Variants in GEN1 observed in about 807,000 individuals in gnomAD.
GEN1 encodes the protein flap endonuclease GEN homolog 1.
In GEN1, 64 loss-of-function variants were observed where a neutral mutation model predicts 67.6. That is an observed-to-expected ratio of 0.95 (90% confidence interval 0.77 to 1.17). The LOEUF (loss-of-function observed/expected upper bound fraction) is 1.17. Among genes scored for constraint, GEN1 ranks in the 50% most tolerant of loss-of-function variants. The probability of loss-of-function intolerance (pLI) is 0.00; values close to 1 mark genes in which losing one functional copy is unlikely to be tolerated. For synonymous variants in GEN1, 371 were observed against 359.4 expected, an observed-to-expected ratio of 1.03 and a Z score of -0.37; for missense variants, 1,058 against 1,048.3, an observed-to-expected ratio of 1.01 and a Z score of -0.13.
upstream of GEN1, among the ~76,000 whole-genome samples, chr2:17,753,462 G>A (rs1034473078): frequency 2.0e-5 from 3 of 151,320 alleles, no homozygotes; most frequent in African/African-American, 7.3e-5. Flanking sequence ...CCCGCCCGAG[G>A]AACGGACATC....
At position 17,782,442 on chromosome 2, in the gene GEN1, A is replaced by T. The variant is rs1176804045; in HGVS notation, c.*503A>T. Reference sequence around the variant, plus strand: ...TTTGGAAGGCCATGCAAGGTGTTCCATTATAACTCTTTTTCCTAAGAGTTA... The same window carrying T: ...TTTGGAAGGCCATGCAAGGTGTTCCTTTATAACTCTTTTTCCTAAGAGTTA... On this transcript the variant is annotated 3_prime_UTR_variant, in exon 14 of 14. Coordinates refer to ENST00000381254, the MANE Select transcript of GEN1 (RefSeq NM_001130009.3). 6.6e-6 allele frequency: 1 copy of T among 152,208 alleles called. No individual in the cohort carries two copies. The highest frequency in any genetic ancestry group is 2.4e-5 in the African/African-American group (1 of 41,426). The allele number at this position is 152,208 out of a possible 1,614,324, so 9.4% of individuals were successfully genotyped here.
In GEN1 at chr2:17,764,894, C is replaced by T. The variant is rs767237406; in HGVS notation, c.349-3C>T. ...ACATCTTGCACCTGCTTTTTGTTTT[C>T]AGTGCCTCCATATGCTCGAATGCTT... On this transcript the variant is annotated splice_polypyrimidine_tract_variant and splice_region_variant and intron_variant, in intron 3 of 13. Coordinates refer to ENST00000381254, the MANE Select transcript of GEN1 (RefSeq NM_001130009.3). 2.5e-6 allele frequency: 4 copies of T among 1,604,636 alleles called. No homozygotes were observed. The highest frequency in any genetic ancestry group is 1.8e-5 in the Admixed American group (1 of 56,886).
chr2:17,780,805 A>G lies in GEN1; in HGVS notation c.1593A>G (p.Leu531=). 1.9e-6 allele frequency: 3 copies of G among 1,614,002 alleles called. No homozygotes were observed. Among genetic ancestry groups the G allele is most frequent in the South Asian group, 1.1e-5 (1 of 91,052 alleles). Residue 531 remains leucine (L), a synonymous_variant, in exon 14 of 14, where the codon TTA becomes TTG. Coordinates refer to ENST00000381254, the MANE Select transcript of GEN1 (RefSeq NM_001130009.3). ...SISASLNSLL[L]PKNTPCLNAQ... ...CTGCCTCATTGAATAGCTTGCTTTT[A>G]CCTAAAAATACTCCATGTTTGAATG...
intron 5 of GEN1, 78 bp from the exon 6 acceptor site, chr2:17,768,660 T>C: frequency 1.9e-6 from 2 of 1,040,174 alleles, no homozygotes; most frequent in East Asian, 2.4e-5. Context: ...AGCTGCTGAC[T>C]CTTCCGTTCA....
chr2:17,758,143 A>G (rs1185271841), intron 1 of GEN1, among the ~76,000 whole-genome samples: 2 of 152,220 alleles, frequency 1.3e-5, no homozygotes, highest in South Asian at 2.1e-4. Flanking sequence ...AGTGTCTACT[A>G]TTATAAACAA....
intron 2 of GEN1, 77 bp downstream of exon 2, chr2:17,760,181 T>A: frequency 7.4e-7 from 1 of 1,356,098 alleles, no homozygotes; most frequent in East Asian, 2.4e-5. Context: ...TCACCTTTTT[T>A]TTTCTTTTGT....
At chr2:17,760,216 G>A in intron 2 of GEN1, 112 bp downstream of exon 2, 1 of 1,024,592 alleles carries the variant, frequency 9.8e-7, no homozygotes, top group Non-Finnish European at 1.4e-6. Flanking sequence ...TACATTTTGA[G>A]GTTTTAAGAT....
chr2:17,785,248 A>G lies in GEN1; in HGVS notation c.*3309A>G, dbSNP rs1295017454. On this transcript the variant is annotated 3_prime_UTR_variant, in exon 14 of 14. Transcript: ENST00000381254. Reference sequence around the variant, plus strand: ...TATACCTAATATAGGCATAAGTGTAAAATTATAGTTCCTCCTCCTCAAGGA... The same window carrying G: ...TATACCTAATATAGGCATAAGTGTAGAATTATAGTTCCTCCTCCTCAAGGA... 6.6e-6 allele frequency: 1 copy of G among 152,182 alleles called. No individual in the cohort carries two copies. The highest frequency in any genetic ancestry group is 1.5e-5 in the Non-Finnish European group (1 of 68,034). The allele number at this position is 152,182 out of a possible 1,614,324, so 9.4% of individuals were successfully genotyped here.
At position 17,785,733 on chromosome 2, in the gene GEN1, A is replaced by G. The variant is rs915300883; in HGVS notation, c.*3794A>G. 6.6e-6 allele frequency: 1 copy of G among 152,184 alleles called. No homozygotes were observed. The highest frequency in any genetic ancestry group is 6.5e-5 in the Admixed American group (1 of 15,270). The allele number at this position is 152,184 out of a possible 1,614,324, so 9.4% of individuals were successfully genotyped here. A position where few individuals can be genotyped will look rare whatever the true frequency, so the allele number is the denominator to read the frequency against. On this transcript the variant is annotated 3_prime_UTR_variant, in exon 14 of 14. Coordinates refer to ENST00000381254, the MANE Select transcript of GEN1 (RefSeq NM_001130009.3). ...ACATGGTGAAACCCCATCTCTACTA[A>G]AAATACAAAAATCAGTGGGGCCTGG...
chr2:17,759,725 CTT>C (rs1671586446), intron 1 of GEN1, among the ~76,000 whole-genome samples: 1 of 151,996 alleles, frequency 6.6e-6, no homozygotes, highest in African/African-American at 2.4e-5. Flanking sequence ...TTTGTTAGCT[CTT>C]GTTTTTAGCT....
In GEN1 at chr2:17,788,325, CAG is replaced by C. The variant is rs1232098569; in HGVS notation, c.*6389_*6390del. ...ACATTGCCTATAAACTGACATGCTG[CAG>C]AGTCAGCCCCAGCAATAGTCCAAAA... On this transcript the variant is annotated 3_prime_UTR_variant, in exon 14 of 14. Coordinates refer to ENST00000381254, the MANE Select transcript of GEN1 (RefSeq NM_001130009.3). The C allele has an allele frequency of 6.6e-6, 1 of 152,162 alleles. No homozygotes were observed. Among genetic ancestry groups the C allele is most frequent in the Non-Finnish European group, 1.5e-5 (1 of 68,036 alleles). The allele number at this position is 152,162 out of a possible 1,614,324, so 9.4% of individuals were successfully genotyped here.
Position 17,783,570 on chromosome 2 carries a change from C to T in GEN1, c.*1631C>T, listed in dbSNP as rs1672943567. 6.6e-6 allele frequency: 1 copy of T among 152,028 alleles called. No homozygotes were observed. The highest frequency in any genetic ancestry group is 1.5e-5 in the Non-Finnish European group (1 of 67,998). The allele number at this position is 152,028 out of a possible 1,614,324, so 9.4% of individuals were successfully genotyped here. ...AGAATCTTGAAAGAGTTTGAATGAC[C>T]CACCCTTCCTGATTTTAAGTATACA... On this transcript the variant is annotated 3_prime_UTR_variant, in exon 14 of 14. Coordinates refer to ENST00000381254, the MANE Select transcript of GEN1 (RefSeq NM_001130009.3).
Position 17,781,453 on chromosome 2 carries a change from CTA to C in GEN1, c.2244_2245del (p.Tyr748Ter). On this transcript the variant is annotated frameshift_variant, in exon 14 of 14. Transcript: ENST00000381254. LOFTEE classifies it low-confidence loss of function (END_TRUNC). ...LKGDQLLQED[Y>X]KVNTSVPYSV... Reference sequence around the variant, plus strand: ...AAGGAGACCAGCTGCTTCAAGAAGACTATAAAGTCAATACTTCTGTCCCTTAT... The same window carrying C: ...AAGGAGACCAGCTGCTTCAAGAAGACTAAAGTCAATACTTCTGTCCCTTAT... 6.2e-7 allele frequency: 1 copy of C among 1,613,522 alleles called. No individual in the cohort carries two copies. Among genetic ancestry groups the C allele is most frequent in the Non-Finnish European group, 8.5e-7 (1 of 1,179,870 alleles).
chr2:17,776,990 G>T (rs1164888946), intron 11 of GEN1, among the ~76,000 whole-genome samples: 4 of 152,120 alleles, frequency 2.6e-5, no homozygotes, highest in Non-Finnish European at 4.4e-5. Flanking sequence ...GCTGGACCTG[G>T]TGGTACATGC....
In GEN1 at chr2:17,774,323, T is replaced by A. The variant is rs770916810; in HGVS notation, c.1124T>A (p.Leu375Ter). The A allele has an allele frequency of 6.2e-7, 1 of 1,601,740 alleles. No individual in the cohort carries two copies. The highest frequency in any genetic ancestry group is 2.2e-5 in the East Asian group (1 of 44,546). Residue 375 changes from leucine (L) to a stop codon, truncating the protein, a stop_gained, in exon 11 of 14, where the codon TTG becomes TAG. Coordinates refer to ENST00000381254, the MANE Select transcript of GEN1 (RefSeq NM_001130009.3). LOFTEE classifies it high-confidence loss of function. ...CCCAATCACTATGCATGTGAGAAAT[T>A]GCTGGTACTTTTGACCCATTATGAC... The part of the protein sequence containing the change: ...EWPNHYACEK[L>*]LVLLTHYDMI...
At position 17,778,927 on chromosome 2, in the gene GEN1, A is replaced by T. The variant is rs185480611; in HGVS notation, c.1264+864A>T. Among the ~76,000 whole-genome samples the T allele has an allele frequency of 4.2e-3, 638 of 152,262 alleles. 7 individuals are homozygous for T. The highest frequency in any genetic ancestry group is 0.014 in the African/African-American group (596 of 41,556). ...CAGATAATTTAAAATGAAAGTAATA[A>T]TACTTTTTTTTTGAGACGGAGTCTT... On this transcript the variant is annotated intron_variant, in intron 12 of 13. Coordinates refer to ENST00000381254, the MANE Select transcript of GEN1 (RefSeq NM_001130009.3).
chr2:17,772,930 G>C, intron 8 of GEN1, 146 bp downstream of exon 8: 1 of 887,236 alleles, frequency 1.1e-6, no homozygotes, highest in Non-Finnish European at 1.7e-6. Flanking sequence ...CAAAAATTTA[G>C]CTAACCTAGG....
rs1672778410 is a variant in GEN1 at position 17,780,623 on chromosome 2, A to G, written c.1411A>G (p.Ile471Val). The G allele has an allele frequency of 1.3e-6, 2 of 1,556,884 alleles. No homozygotes were observed. The highest frequency in any genetic ancestry group is 8.7e-7 in the Non-Finnish European group (1 of 1,153,512). ...LEIKGKKQKR[I>V]KPKENNLPEP... Reference sequence around the variant, plus strand: ...ATATGTATTTTTTTTCTTTTCAGGTATTAAGCCTAAAGAAAACAATTTGCC... The same window carrying G: ...ATATGTATTTTTTTTCTTTTCAGGTGTTAAGCCTAAAGAAAACAATTTGCC... The change falls in exon 14 of 14, where the codon ATT (isoleucine) becomes GTT (valine). Residue 471 changes from isoleucine (I) to valine (V), a missense_variant and splice_region_variant. Transcript: ENST00000381254.
chr2:17,755,980 A>T (rs80021717), intron 1 of GEN1, among the ~76,000 whole-genome samples: 232 of 152,344 alleles, frequency 1.5e-3, no homozygotes, highest in African/African-American at 5.4e-3. Context: ...GTCCTTTAAG[A>T]TGGAAATTTA....
Sources: gnomAD v4.1 joint callset for allele counts (sites outside exome capture counted in the v4.1 genomes callset) on GRCh38, gnomAD v4.1.1 for gene constraint, MANE v1.5 for transcripts, NCBI Gene and HGNC (gene_info 2026-07-23, HGNC 2026-07-21) for gene names.